Variants in DIPK2A observed in about 807,000 individuals in gnomAD.
DIPK2A encodes Golgi Protein of 49 kDa.
DIPK2A carries 27 observed loss-of-function variants against 39.0 expected under a neutral mutation model. The observed-to-expected ratio is 0.69, with a 90% CI of 0.51 to 0.96. The LOEUF (loss-of-function observed/expected upper bound fraction) is 0.96, where lower values mean the gene tolerates loss of function less well. Ranked by LOEUF, DIPK2A falls within the 40% of genes least tolerant of loss-of-function variation. The probability of loss-of-function intolerance (pLI) is 0.00; values close to 1 mark genes in which losing one functional copy is unlikely to be tolerated. For missense variants in DIPK2A, 528 were observed against 571.3 expected (o/e 0.92, Z 0.77); for synonymous variants, 298 against 240.8 (o/e 1.24, Z -2.20).
At position 143,973,008 on chromosome 3, in the gene DIPK2A, C is replaced by T; in HGVS notation, c.657+19C>T. 2 of 1,562,962 alleles carry T rather than the reference C, an allele frequency of 1.3e-6. No individual in the cohort carries two copies. Among genetic ancestry groups the T allele is most frequent in the Non-Finnish European group, 1.7e-6 (2 of 1,157,570 alleles). The stretch of plus-strand genomic sequence containing the variant: ...GCTACAGGTAGGCGCGGAGCCAGGG[C>T]AGGGGGCGTCCTGGGAGGGGCCGCG... On this transcript the variant is annotated intron_variant, in intron 1 of 2. Transcript: ENST00000315691.
At chr3:143,975,682 A>G (rs897585248) in intron 1 of DIPK2A, among the ~76,000 whole-genome samples, 5 of 152,098 alleles carry the variant, frequency 3.3e-5, no homozygotes, top group Non-Finnish European at 7.4e-5. Flanking sequence ...CTATTGCTTC[A>G]TGTATTAAAA....
chr3:143,990,008 C>A lies in DIPK2A; in HGVS notation c.*167C>A. On this transcript the variant is annotated 3_prime_UTR_variant, in exon 3 of 3. Transcript: ENST00000315691. ...CATCCATCAAAATAAGACATTACTT[C>A]AAAAATCACATGATGCTTCTGCAAA... is the stretch of plus-strand genomic sequence containing the variant. The A allele has an allele frequency of 1.7e-6, 1 of 601,420 alleles. No homozygotes were observed. The highest frequency in any genetic ancestry group is 2.9e-6 in the Non-Finnish European group (1 of 343,374). The allele number at this position is 601,420 out of a possible 1,614,324, so 37.3% of individuals were successfully genotyped here. A position where few individuals can be genotyped will look rare whatever the true frequency, so the allele number is the denominator to read the frequency against.
chr3:143,976,476 T>C (rs1324235049), intron 1 of DIPK2A, among the ~76,000 whole-genome samples: 1 of 151,876 alleles, frequency 6.6e-6, no homozygotes, highest in South Asian at 2.1e-4. Context: ...CAAGTTATTG[T>C]TGATAAATTT....
chr3:143,986,541 G>C (rs2087902180), intron 2 of DIPK2A, among the ~76,000 whole-genome samples: 1 of 151,940 alleles, frequency 6.6e-6, no homozygotes, highest in South Asian at 2.1e-4. Context: ...TGGCTAACAC[G>C]GTGAAACCCC....
chr3:143,987,740 C>T (rs2107848507), intron 2 of DIPK2A, among the ~76,000 whole-genome samples: 1 of 152,310 alleles, frequency 6.6e-6, no homozygotes, highest in East Asian at 1.9e-4. Context: ...ATATAAGACT[C>T]TCTTCTGCTT....
chr3:143,991,646 C>G lies in DIPK2A; in HGVS notation c.*1805C>G, dbSNP rs185739883. 211 of 152,690 alleles carry G rather than the reference C, an allele frequency of 1.4e-3. No homozygotes were observed. Among genetic ancestry groups the G allele is most frequent in the Non-Finnish European group, 1.7e-3 (118 of 67,988 alleles). The allele number at this position is 152,690 out of a possible 1,614,324, so 9.5% of individuals were successfully genotyped here. On this transcript the variant is annotated 3_prime_UTR_variant, in exon 3 of 3. Coordinates refer to ENST00000315691, the MANE Select transcript of DIPK2A (RefSeq NM_173552.5). Reference sequence around the variant, plus strand: ...TTACACATTAGTGCATTGCGTATATCAACTGGCCCTCAATGAAGCATTTAA... The same window carrying G: ...TTACACATTAGTGCATTGCGTATATGAACTGGCCCTCAATGAAGCATTTAA...
Position 143,990,281 on chromosome 3 carries a change from G to A in DIPK2A, c.*440G>A, listed in dbSNP as rs931081217. On this transcript the variant is annotated 3_prime_UTR_variant, in exon 3 of 3. Transcript: ENST00000315691. ...TTATAGGCCGCTTTTTCCTTCTGAT[G>A]TGTAGGGTTTTTTCCCCCTTTTTTT... 6.6e-6 allele frequency: 1 copy of A among 152,360 alleles called. No individual in the cohort carries two copies. The highest frequency in any genetic ancestry group is 2.4e-5 in the African/African-American group (1 of 41,120). 9.4% of individuals were successfully genotyped at this position (152,360 alleles called of 1,614,324 possible).
At chr3:143,975,071 C>T (rs2087710144) in intron 1 of DIPK2A, among the ~76,000 whole-genome samples, 1 of 152,002 alleles carries the variant, frequency 6.6e-6, no homozygotes, top group African/African-American at 2.4e-5. Context: ...CACATAATGA[C>T]ACAGCTACTT....
chr3:143,990,388 C>T lies in DIPK2A; in HGVS notation c.*547C>T, dbSNP rs2087965322. ...AGTTGTCATTCAGTGCTATTTGGTA[C>T]ATATTTACTGTTAGGGCAGGATTCC... On this transcript the variant is annotated 3_prime_UTR_variant, in exon 3 of 3. Coordinates refer to ENST00000315691, the MANE Select transcript of DIPK2A (RefSeq NM_173552.5). The T allele has an allele frequency of 1.4e-5, 2 of 140,882 alleles. No homozygotes were observed. The highest frequency in any genetic ancestry group is 7.1e-5 in the Admixed American group (1 of 14,008). The allele number at this position is 140,882 out of a possible 1,614,324, so 8.7% of individuals were successfully genotyped here. A position where few individuals can be genotyped will look rare whatever the true frequency, so the allele number is the denominator to read the frequency against.
intron 1 of DIPK2A, among the ~76,000 whole-genome samples, chr3:143,980,079 G>T (rs1051176944): frequency 2.0e-5 from 3 of 152,066 alleles, no homozygotes; most frequent in African/African-American, 7.2e-5. Context: ...AATCATCCCC[G>T]TAATTTTACT....
rs1479118127 is a variant in DIPK2A, at chr3:143,990,022, T to G, written c.*181T>G. 4 of 593,212 alleles carry G rather than the reference T, an allele frequency of 6.7e-6. No individual in the cohort carries two copies. In the African/African-American group the frequency reaches 7.4e-5, roughly 11 times the overall value. 36.7% of individuals were successfully genotyped at this position (593,212 alleles called of 1,614,324 possible). On this transcript the variant is annotated 3_prime_UTR_variant, in exon 3 of 3. Transcript: ENST00000315691. ...AGACATTACTTCAAAAATCACATGATGCTTCTGCAAATAAGTATGTTCTTA... is the reference window on the plus strand; with the variant it reads ...AGACATTACTTCAAAAATCACATGAGGCTTCTGCAAATAAGTATGTTCTTA...
chr3:143,987,064 A>G (rs767329062), intron 2 of DIPK2A, among the ~76,000 whole-genome samples: 2 of 152,086 alleles, frequency 1.3e-5, no homozygotes, highest in Non-Finnish European at 2.9e-5. Context: ...TACTTACCAG[A>G]CCACTTTTCT....
chr3:143,980,715 AAGTT>A lies in DIPK2A; in HGVS notation c.658-4823_658-4820del, dbSNP rs535457390. 2.3e-4 allele frequency among the ~76,000 whole-genome samples: 35 copies of A among 151,792 alleles called. No individual in the cohort carries two copies. In the South Asian group the frequency reaches 6.5e-3, roughly 28 times the overall value. On this transcript the variant is annotated intron_variant, in intron 1 of 2. Transcript: ENST00000315691. ...GTATGTTTTATTAATAGTTTTTTTGAAGTTAGTTTGTTTATACTAAGAACTTTCA... is the reference window on the plus strand; with the variant it reads ...GTATGTTTTATTAATAGTTTTTTTGAAGTTTGTTTATACTAAGAACTTTCA...
rs1320829610 is a variant in DIPK2A at position 143,990,650 on chromosome 3, C to T, written c.*809C>T. 6.6e-6 allele frequency: 1 copy of T among 152,292 alleles called. No individual in the cohort carries two copies. The highest frequency in any genetic ancestry group is 1.5e-5 in the Non-Finnish European group (1 of 67,968). 9.4% of individuals were successfully genotyped at this position (152,292 alleles called of 1,614,324 possible). On this transcript the variant is annotated 3_prime_UTR_variant, in exon 3 of 3. Coordinates refer to ENST00000315691, the MANE Select transcript of DIPK2A (RefSeq NM_173552.5). ...GGCTTTAAGAAGAATATACTAGAAT[C>T]TATATATTGATGTTAATTTTGATTC...
At chr3:143,973,487 A>T (rs760140656) in intron 1 of DIPK2A, 2 of 1,551,144 alleles carry the variant, frequency 1.3e-6, no homozygotes, top group Non-Finnish European at 1.7e-6. Flanking sequence ...TCGCTCATTT[A>T]CCTGGCAGTC....
chr3:143,984,587 G>A (rs191475463), intron 1 of DIPK2A, among the ~76,000 whole-genome samples: 2 of 151,752 alleles, frequency 1.3e-5, no homozygotes, highest in East Asian at 3.9e-4. Flanking sequence ...TTTCTCTAAT[G>A]TTCATTTTCT....
Position 143,989,671 on chromosome 3 carries a change from C to T in DIPK2A, c.1123C>T (p.Arg375Cys), listed in dbSNP as rs775112451. 7 of 1,614,074 alleles carry T rather than the reference C, an allele frequency of 4.3e-6. No individual in the cohort carries two copies. Among genetic ancestry groups the T allele is most frequent in the South Asian group, 2.2e-5 (2 of 91,082 alleles). The change falls in exon 3 of 3, where the codon CGT (arginine) becomes TGT (cysteine). Residue 375 changes from arginine (R) to cysteine (C), a missense_variant. Arg to Cys is a radical substitution (Grantham distance 180). Around this residue, in one of 2 missense-constraint regions of DIPK2A, gnomAD observed 219 missense variants for 281.5 expected, o/e 0.78. Coordinates refer to ENST00000315691, the MANE Select transcript of DIPK2A (RefSeq NM_173552.5). ...QNLLSRHATW[R>C]GTSGGLLHDP... ...CCTCTTATCCAGACATGCCACCTGG[C>T]GTGGCACTTCTGGAGGACTCCTTCA...
In DIPK2A at chr3:143,985,737, C is replaced by T; in HGVS notation, c.852C>T (p.Tyr284=). 6.2e-7 allele frequency: 1 copy of T among 1,614,118 alleles called. No individual in the cohort carries two copies. The highest frequency in any genetic ancestry group is 8.5e-7 in the Non-Finnish European group (1 of 1,179,968). ...ACAATGACTTTGAATTTGCACTCTACCTCCTGGACGTCAGCTTTGACAATT... is the reference window on the plus strand; with the variant it reads ...ACAATGACTTTGAATTTGCACTCTATCTCCTGGACGTCAGCTTTGACAATT... ...LTNNDFEFAL[Y]LLDVSFDNFA... The change falls in exon 2 of 3, where the codon TAC becomes TAT. Residue 284 remains tyrosine, a synonymous_variant. Coordinates refer to ENST00000315691, the MANE Select transcript of DIPK2A (RefSeq NM_173552.5).
Position 143,990,104 on chromosome 3 carries a change from T to C in DIPK2A, c.*263T>C. 1 of 406,970 alleles carries C rather than the reference T, an allele frequency of 2.5e-6. No individual in the cohort carries two copies. The highest frequency in any genetic ancestry group is 4.4e-6 in the Non-Finnish European group (1 of 225,548). The allele number at this position is 406,970 out of a possible 1,614,324, so 25.2% of individuals were successfully genotyped here. ...TCCCCACTACCCCGGAATGCTTGAGTGGATTAATGAATATTGTTAAGCTAT... is the reference window on the plus strand; with the variant it reads ...TCCCCACTACCCCGGAATGCTTGAGCGGATTAATGAATATTGTTAAGCTAT... On this transcript the variant is annotated 3_prime_UTR_variant, in exon 3 of 3. Transcript: ENST00000315691.
Sources: allele counts gnomAD v4.1 joint callset (sites outside exome capture counted in the v4.1 genomes callset), GRCh38; gene constraint gnomAD v4.1.1; regional missense constraint gnomAD v4.1.1; transcripts MANE v1.5; gene names NCBI Gene and HGNC (gene_info 2026-07-23, HGNC 2026-07-21).